NPHP4: variants seen among roughly 807,000 people sequenced by gnomAD.
The protein encoded by NPHP4 is nephrocystin-4.
A neutral mutation model predicts 155.8 loss-of-function variants in NPHP4; 151 were observed. The ratio of observed to expected loss-of-function variants is 0.97; its 90% confidence interval spans 0.85 to 1.11. The LOEUF is 1.11. Ranked by LOEUF, NPHP4 falls within the 50% of genes least tolerant of loss-of-function variation. The pLI is 0.00. For synonymous variants in NPHP4, 845 were observed against 816.8 expected (o/e 1.03, Z -0.59); for missense variants, 1,956 against 1,925.7 (o/e 1.02, Z -0.29).
chr1:5,887,918 G>A (rs1643905179), intron 17 of NPHP4, among the ~76,000 whole-genome samples: 1 of 152,240 alleles, frequency 6.6e-6, no homozygotes, highest in Non-Finnish European at 1.5e-5. Flanking sequence ...GACAGGCCAT[G>A]CACAGAGAGG....
intron 11 of NPHP4, 80 bp downstream of exon 11, chr1:5,927,569 G>C: frequency 7.0e-7 from 1 of 1,425,226 alleles, no homozygotes; most frequent in Non-Finnish European, 9.7e-7. Flanking sequence ...TACCGTACTA[G>C]ACTAAGTACC....
intron 9 of NPHP4, among the ~76,000 whole-genome samples, chr1:5,933,975 T>A (rs1398062141): frequency 1.3e-5 from 2 of 152,154 alleles, no homozygotes; most frequent in East Asian, 3.9e-4. Flanking sequence ...TGAAAACCAA[T>A]CCCTTGGGTT....
At position 5,967,363 on chromosome 1, in the gene NPHP4, C is replaced by A; in HGVS notation, c.453G>T (p.Arg151Ser). The change falls in exon 5 of 30, where the codon AGG becomes AGT. Residue 151 changes from arginine (R) to serine (S), a missense_variant and splice_region_variant. Coordinates refer to ENST00000378156, the MANE Select transcript of NPHP4 (RefSeq NM_015102.5). ...TGGGGGTGCCATGGTACAGCCGCAA[C>A]CTGGAAGACAGGACCCAGAGAACAG... ...DSPISASQDK[R>S]LRLYHGTPRA... 2 of 1,605,076 alleles carry A rather than the reference C, an allele frequency of 1.2e-6. No homozygotes were observed. The highest frequency in any genetic ancestry group is 1.7e-6 in the Non-Finnish European group (2 of 1,176,334).
At position 5,874,498 on chromosome 1, in the gene NPHP4, G is replaced by C. The variant is rs1642350781; in HGVS notation, c.3204C>G (p.Phe1068Leu). 1.3e-6 allele frequency: 2 copies of C among 1,567,330 alleles called. No homozygotes were observed. The highest frequency in any genetic ancestry group is 1.7e-6 in the Non-Finnish European group (2 of 1,154,332). ...GCACCATGGCCAGCTGCCCTGCAGAGAAGCTCTGGAACTTGAAGGGGACGT... is the reference window on the plus strand; with the variant it reads ...GCACCATGGCCAGCTGCCCTGCAGACAAGCTCTGGAACTTGAAGGGGACGT... ...TAHVPFKFQS[F>L]SAGQLAMVQA... The change falls in exon 22 of 30, where the codon TTC (phenylalanine) becomes TTG (leucine). Residue 1068 changes from phenylalanine (F) to leucine (L), a missense_variant. Phe to Leu is a conservative substitution (Grantham distance 22). Coordinates refer to ENST00000378156, the MANE Select transcript of NPHP4 (RefSeq NM_015102.5).
In NPHP4 at chr1:5,967,493, A is replaced by G. The variant is rs924737274; in HGVS notation, c.453-130T>C. 5.6e-6 allele frequency: 4 copies of G among 719,214 alleles called. No homozygotes were observed. The African/African-American group carries it at 7.0e-5, about 13-fold the overall frequency. 44.6% of individuals were successfully genotyped at this position (719,214 alleles called of 1,614,324 possible). A position where few individuals can be genotyped will look rare whatever the true frequency, so the allele number is the denominator to read the frequency against. On this transcript the variant is annotated intron_variant, in intron 4 of 29. Coordinates refer to ENST00000378156, the MANE Select transcript of NPHP4 (RefSeq NM_015102.5). ...ACTCCACCAGTCCCATCCTCTGCGG[A>G]AGGCAGAGGCAGCTGAGGCCAGCAG...
chr1:5,940,908 T>C (rs1425439983), intron 9 of NPHP4, among the ~76,000 whole-genome samples: 1 of 152,204 alleles, frequency 6.6e-6, no homozygotes, highest in Non-Finnish European at 1.5e-5. Context: ...ATCCCAATTT[T>C]TAAAATGCCA....
intron 10 of NPHP4, among the ~76,000 whole-genome samples, chr1:5,930,529 TCTTTA>T (rs1285279279): frequency 6.6e-6 from 1 of 152,242 alleles, no homozygotes; most frequent in African/African-American, 2.4e-5. Flanking sequence ...TGAGATTTAC[TCTTTA>T]CTTTATGGAT....
intron 1 of NPHP4, among the ~76,000 whole-genome samples, chr1:5,989,500 C>G (rs567464231): frequency 6.6e-6 from 1 of 152,204 alleles, no homozygotes; most frequent in African/African-American, 2.4e-5. Flanking sequence ...GAATTGCTCG[C>G]TGGCCAAGTT....
At position 5,867,908 on chromosome 1, in the gene NPHP4, C is replaced by A; in HGVS notation, c.3316-12G>T. The A allele has an allele frequency of 2.5e-6, 4 of 1,613,928 alleles. No individual in the cohort carries two copies. Among genetic ancestry groups the A allele is most frequent in the Non-Finnish European group, 3.4e-6 (4 of 1,179,850 alleles). ...GCTCGGAACAAGACCTGTGAGGAGG[C>A]CACGCTGAGTGTTGGGATGGGCACG... On this transcript the variant is annotated splice_polypyrimidine_tract_variant and intron_variant, in intron 23 of 29. Coordinates refer to ENST00000378156, the MANE Select transcript of NPHP4 (RefSeq NM_015102.5). This position sits in a 1 kb window ranked among gnomAD's most constrained non-coding sequence, Gnocchi z 4.1.
At position 5,909,228 on chromosome 1, in the gene NPHP4, A is replaced by G. The variant is rs1645060542; in HGVS notation, c.1442-15T>C. ...CGCTGGCGGGCCTGGGAGGAAGCAC[A>G]GTGGGGTAGGAGAGGGAATGTGTCA... On this transcript the variant is annotated splice_polypyrimidine_tract_variant and intron_variant, in intron 11 of 29. Transcript: ENST00000378156. 1 of 1,596,608 alleles carries G rather than the reference A, an allele frequency of 6.3e-7. No homozygotes were observed. Among genetic ancestry groups the G allele is most frequent in the Non-Finnish European group, 8.5e-7 (1 of 1,171,204 alleles).
At chr1:5,903,240 C>G (rs969755520) in intron 16 of NPHP4, among the ~76,000 whole-genome samples, 3 of 152,182 alleles carry the variant, frequency 2.0e-5, no homozygotes, top group Non-Finnish European at 4.4e-5. Context: ...ATCAAGTTCT[C>G]CTCTCTATCT....
At chr1:5,897,500 TCAAA>T (rs1173801585) in intron 16 of NPHP4, among the ~76,000 whole-genome samples, 2 of 152,110 alleles carry the variant, frequency 1.3e-5, no homozygotes, top group African/African-American at 4.8e-5. Flanking sequence ...AGATCCAGAA[TCAAA>T]CAGCTTTCAG....
At chr1:5,955,529 T>C (rs1245580912) in intron 6 of NPHP4, among the ~76,000 whole-genome samples, 1 of 152,276 alleles carries the variant, frequency 6.6e-6, no homozygotes, top group Admixed American at 6.5e-5. Context: ...GTAGTGTATC[T>C]ACACAATGGA....
intron 18 of NPHP4, among the ~76,000 whole-genome samples, chr1:5,885,378 C>T (rs1219726427): frequency 6.6e-6 from 1 of 152,118 alleles, no homozygotes; most frequent in Non-Finnish European, 1.5e-5. Context: ...AAGATCACTG[C>T]CCAAGCTCCC....
rs1553194702 is a variant in NPHP4 at position 5,964,917 on chromosome 1, T to TA, written c.517+2381_517+2382insT. Among the ~76,000 whole-genome samples the TA allele has an allele frequency of 7.5e-4, 62 of 82,528 alleles. 1 individual carries two copies. The highest frequency in any genetic ancestry group is 3.2e-3 in the African/African-American group (57 of 17,832). 54.1% of individuals were successfully genotyped at this position (82,528 alleles called of 152,430 possible). A position where few individuals can be genotyped will look rare whatever the true frequency, so the allele number is the denominator to read the frequency against. On this transcript the variant is annotated intron_variant, in intron 5 of 29. Transcript: ENST00000378156. ...ATATAAAATATATAATACATATATA[T>TA]TATATATATATATATATATATATAT...
chr1:5,947,993 G>T, intron 8 of NPHP4, 77 bp downstream of exon 8: 2 of 1,161,268 alleles, frequency 1.7e-6, no homozygotes, highest in South Asian at 1.3e-5. Flanking sequence ...GTCAACACCT[G>T]ACATGCACAA....
chr1:5,888,063 G>A (rs1420151608), intron 17 of NPHP4, among the ~76,000 whole-genome samples: 1 of 152,142 alleles, frequency 6.6e-6, no homozygotes, highest in Non-Finnish European at 1.5e-5. Context: ...GCCCAGGGAG[G>A]GGCCATGGGG....
intron 10 of NPHP4, among the ~76,000 whole-genome samples, chr1:5,930,205 G>C (rs1646204418): frequency 1.3e-5 from 2 of 152,104 alleles, no homozygotes. Context: ...AGTCTTGCTA[G>C]AAGTTCATCA....
chr1:5,968,356 C>T (rs1651910309), intron 4 of NPHP4, among the ~76,000 whole-genome samples: 1 of 152,142 alleles, frequency 6.6e-6, no homozygotes, highest in African/African-American at 2.4e-5. Flanking sequence ...AATCCCAACA[C>T]TTTGGGTGGC....
Sources: allele counts gnomAD v4.1 joint callset (sites outside exome capture counted in the v4.1 genomes callset), GRCh38; gene constraint gnomAD v4.1.1; non-coding constraint Gnocchi (gnomAD v3.1); transcripts MANE v1.5; gene names NCBI Gene and HGNC (gene_info 2026-07-23, HGNC 2026-07-21).